CAMK2D: variants seen among roughly 807,000 people sequenced by gnomAD.
CAMK2D encodes the protein calcium/calmodulin-dependent protein kinase type II subunit delta.
A neutral mutation model predicts 84.0 loss-of-function variants in CAMK2D; 37 were observed. That is an observed-to-expected ratio of 0.44 (90% CI 0.34 to 0.58). The LOEUF (loss-of-function observed/expected upper bound fraction) is 0.58. CAMK2D is among the 20% of genes least tolerant of loss of function. The pLI is 0.02. For synonymous variants in CAMK2D, 202 were observed against 212.5 expected (o/e 0.95, Z 0.43); for missense variants, 448 against 652.5 (o/e 0.69, Z 3.41).
intron 9 of CAMK2D, among the ~76,000 whole-genome samples, chr4:113,516,236 GC>G (rs1430609900): frequency 6.6e-6 from 1 of 152,092 alleles, no homozygotes; most frequent in Admixed American, 6.6e-5. Context: ...CTAAACAATT[GC>G]CATTTTTTAA....
At chr4:113,628,407 G>A (rs2099076327) in intron 3 of CAMK2D, among the ~76,000 whole-genome samples, 3 of 152,060 alleles carry the variant, frequency 2.0e-5, no homozygotes, top group African/African-American at 7.2e-5. Flanking sequence ...ATTAATATAA[G>A]CTATAATTAA....
chr4:113,750,779 G>C (rs1410296956), intron 2 of CAMK2D, among the ~76,000 whole-genome samples: 4 of 152,194 alleles, frequency 2.6e-5, no homozygotes, highest in Admixed American at 2.6e-4. Context: ...CAGAGCCTGA[G>C]ATAGGGGGAT....
chr4:113,487,579 G>T (rs879538950), intron 16 of CAMK2D, among the ~76,000 whole-genome samples: 6 of 151,986 alleles, frequency 3.9e-5, no homozygotes, highest in African/African-American at 7.2e-5. Flanking sequence ...AAGAAATTTT[G>T]TATGGAAACT....
At chr4:113,693,337 C>T (rs2099393815) in intron 2 of CAMK2D, among the ~76,000 whole-genome samples, 1 of 152,134 alleles carries the variant, frequency 6.6e-6, no homozygotes, top group Admixed American at 6.6e-5. Context: ...GCTAGTTCTG[C>T]TAAATTCCAA....
intron 7 of CAMK2D, among the ~76,000 whole-genome samples, chr4:113,535,310 GTCTGA>G (rs1250237766): frequency 6.6e-6 from 1 of 151,994 alleles, no homozygotes; most frequent in Non-Finnish European, 1.5e-5. Context: ...CATATTTCCT[GTCTGA>G]TCTGTATGTT....
At position 113,508,095 on chromosome 4, in the gene CAMK2D, C is replaced by T. The variant is rs866629362; in HGVS notation, c.984+1543G>A. ...AACAATGTAATATGTAAGAGAAGTA[C>T]CGTGTTTTGATAGTTGACTAACACT... is the stretch of plus-strand genomic sequence containing the variant. On this transcript the variant is annotated intron_variant, in intron 13 of 20. Transcript: ENST00000511664. 135 of 628,226 alleles carry T rather than the reference C, an allele frequency of 2.1e-4. 1 individual carries two copies. In the African/African-American group the frequency reaches 2.2e-3, roughly 10 times the overall value. The allele number at this position is 628,226 out of a possible 1,614,324, so 38.9% of individuals were successfully genotyped here.
chr4:113,557,531 A>G (rs1454258903), intron 4 of CAMK2D, among the ~76,000 whole-genome samples: 11 of 152,214 alleles, frequency 7.2e-5, no homozygotes. Context: ...ATTTGAAAGT[A>G]AGTGGTCTTT....
chr4:113,662,030 T>C (rs935575811), intron 2 of CAMK2D, among the ~76,000 whole-genome samples: 3 of 152,164 alleles, frequency 2.0e-5, no homozygotes, highest in African/African-American at 7.2e-5. Context: ...TAGTGGAAAT[T>C]GCACAAAACA....
At chr4:113,666,393 C>T (rs1251560610) in intron 2 of CAMK2D, among the ~76,000 whole-genome samples, 1 of 152,028 alleles carries the variant, frequency 6.6e-6, no homozygotes, top group Non-Finnish European at 1.5e-5. Context: ...CCACTGAGTC[C>T]TCATTATTAG....
At chr4:113,697,782 G>A (rs1351491899) in intron 2 of CAMK2D, among the ~76,000 whole-genome samples, 1 of 151,782 alleles carries the variant, frequency 6.6e-6, no homozygotes, top group South Asian at 2.1e-4. Flanking sequence ...TAGAGTCCTT[G>A]GAATTAATGA....
At chr4:113,625,697 G>A (rs554316361) in intron 3 of CAMK2D, among the ~76,000 whole-genome samples, 4 of 152,258 alleles carry the variant, frequency 2.6e-5, no homozygotes, top group African/African-American at 7.2e-5. Context: ...GGGTTATACA[G>A]AGCCTTGGAG....
chr4:113,551,866 C>T (rs1236740081), intron 5 of CAMK2D, among the ~76,000 whole-genome samples, 165 bp downstream of exon 5: 1 of 152,060 alleles, frequency 6.6e-6, no homozygotes. Context: ...ACTACAGATG[C>T]TAGATAAAAA....
At chr4:113,682,587 T>C (rs2099349010) in intron 2 of CAMK2D, among the ~76,000 whole-genome samples, 1 of 152,148 alleles carries the variant, frequency 6.6e-6, no homozygotes, top group Non-Finnish European at 1.5e-5. Context: ...GAGTAGGCCA[T>C]TTCTTCCTTC....
chr4:113,735,057 C>G (rs1417508146), intron 2 of CAMK2D, among the ~76,000 whole-genome samples: 1 of 151,548 alleles, frequency 6.6e-6, no homozygotes, highest in Non-Finnish European at 1.5e-5. Flanking sequence ...AAACAAAACA[C>G]AATAAAAACG....
intron 16 of CAMK2D, among the ~76,000 whole-genome samples, chr4:113,482,917 T>C (rs17591927): frequency 0.062 from 9,397 of 152,272 alleles, 587 homozygotes; most frequent in East Asian, 0.21. Flanking sequence ...AATCAGTCTT[T>C]TTGTACTAAA....
At chr4:113,508,283 C>CAAAG (rs2098159589) in intron 13 of CAMK2D, 4 of 1,530,354 alleles carry the variant, frequency 2.6e-6, no homozygotes, top group East Asian at 4.9e-5. Context: ...ATTGACCAGT[C>CAAAG]AAAGAGAAAG....
rs199781670 is a variant in CAMK2D, at chr4:113,452,661, C to A, written c.*1884G>T. ...TGCTAAGTTAAAAGTGTAAAAAAAA[C>A]ACTCTACATCTATTTTTTTTTCTTT... On this transcript the variant is annotated 3_prime_UTR_variant, in exon 21 of 21. Transcript: ENST00000511664. 1 of 152,334 alleles carries A rather than the reference C, an allele frequency of 6.6e-6. No individual in the cohort carries two copies. The highest frequency in any genetic ancestry group is 1.5e-5 in the Non-Finnish European group (1 of 67,978). The allele number at this position is 152,334 out of a possible 1,614,324, so 9.4% of individuals were successfully genotyped here. A position where few individuals can be genotyped will look rare whatever the true frequency, so the allele number is the denominator to read the frequency against.
At chr4:113,508,065 G>GA (rs1189975305) in intron 13 of CAMK2D, among the ~76,000 whole-genome samples, 3 of 152,162 alleles carry the variant, frequency 2.0e-5, no homozygotes, top group South Asian at 4.1e-4. Flanking sequence ...CAATTTCAGA[G>GA]AAAAAACAAT....
chr4:113,725,151 T>C (rs2099542181), intron 2 of CAMK2D, among the ~76,000 whole-genome samples: 1 of 151,980 alleles, frequency 6.6e-6, no homozygotes, highest in Non-Finnish European at 1.5e-5. Context: ...GAAAATAAAC[T>C]ATGTAAGAAT....
Sources: allele counts gnomAD v4.1 joint callset (sites outside exome capture counted in the v4.1 genomes callset), GRCh38; gene constraint gnomAD v4.1.1; transcripts MANE v1.5; gene names NCBI Gene and HGNC (gene_info 2026-07-23, HGNC 2026-07-21).